TMEM132D: variants seen among roughly 807,000 people sequenced by gnomAD.
TMEM132D encodes the protein mature OL transmembrane protein.
A neutral mutation model predicts 62.3 loss-of-function variants in TMEM132D; 21 were observed. The observed-to-expected ratio is 0.34, with a 90% confidence interval of 0.24 to 0.49. The LOEUF is 0.49. Among genes scored for constraint, TMEM132D ranks in the 20% least tolerant of loss-of-function variants. The probability of loss-of-function intolerance (pLI) is 0.99; values close to 1 mark genes in which losing one functional copy is unlikely to be tolerated. For synonymous variants in TMEM132D, 621 were observed against 575.6 expected, an observed-to-expected ratio of 1.08 and a Z score of -1.13; for missense variants, 1,346 against 1,402.8, an observed-to-expected ratio of 0.96 and a Z score of 0.65.
At chr12:129,159,332 G>C (rs897789290) in intron 5 of TMEM132D, among the ~76,000 whole-genome samples, 1 of 152,090 alleles carries the variant, frequency 6.6e-6, no homozygotes, top group Non-Finnish European at 1.5e-5. Flanking sequence ...ACCTGAAACC[G>C]GGCAGTGGCT....
At chr12:129,255,423 C>T (rs965066067) in intron 4 of TMEM132D, among the ~76,000 whole-genome samples, 1 of 152,094 alleles carries the variant, frequency 6.6e-6, no homozygotes, top group African/African-American at 2.4e-5. Flanking sequence ...AAGCTGGTGC[C>T]CCAGGAGGAA....
intron 4 of TMEM132D, among the ~76,000 whole-genome samples, chr12:129,308,786 A>C (rs993902297): frequency 2.6e-5 from 4 of 152,242 alleles, no homozygotes; most frequent in African/African-American, 9.6e-5. Context: ...CTATTCTTAG[A>C]TATACACTTA....
rs77830181 is a variant in TMEM132D, at chr12:129,591,401, G to A, written c.969-60196C>T. 4.4e-3 allele frequency among the ~76,000 whole-genome samples: 670 copies of A among 152,300 alleles called. 4 individuals are homozygous for A. The highest frequency in any genetic ancestry group is 0.015 in the African/African-American group (640 of 41,562). On this transcript the variant is annotated intron_variant, in intron 2 of 8. Coordinates refer to ENST00000422113, the MANE Select transcript of TMEM132D (RefSeq NM_133448.3). ...CAGAGGAACTGTGCTTTGGAAGAAGGCTTCAAGAAGAATGAAAATCCATGC... is the reference window on the plus strand; with the variant it reads ...CAGAGGAACTGTGCTTTGGAAGAAGACTTCAAGAAGAATGAAAATCCATGC...
intron 5 of TMEM132D, among the ~76,000 whole-genome samples, chr12:129,123,972 G>T (rs1215144766): frequency 6.6e-6 from 1 of 152,160 alleles, no homozygotes; most frequent in Non-Finnish European, 1.5e-5. Context: ...AGCTGCAGAA[G>T]GAGGATCATG....
intron 1 of TMEM132D, among the ~76,000 whole-genome samples, chr12:129,713,882 T>C (rs957323355): frequency 6.6e-6 from 1 of 152,244 alleles, no homozygotes; most frequent in Non-Finnish European, 1.5e-5. Context: ...CCGATGTGGC[T>C]GGTCCAGGGA....
intron 1 of TMEM132D, among the ~76,000 whole-genome samples, chr12:129,758,432 A>C (rs1870242366): frequency 6.6e-6 from 1 of 152,144 alleles, no homozygotes; most frequent in African/African-American, 2.4e-5. Context: ...CTCCTTAATA[A>C]AATTAAAATT....
chr12:129,145,847 A>C (rs911912798), intron 5 of TMEM132D, among the ~76,000 whole-genome samples: 2 of 152,192 alleles, frequency 1.3e-5, no homozygotes, highest in Non-Finnish European at 2.9e-5. Flanking sequence ...GAGAGAGAAT[A>C]CAGTCATGGG....
intron 3 of TMEM132D, among the ~76,000 whole-genome samples, chr12:129,470,857 T>C (rs973184091): frequency 1.2e-4 from 18 of 152,086 alleles, no homozygotes; most frequent in African/African-American, 3.9e-4. Flanking sequence ...AATTTTGAGG[T>C]AACCAGGATG....
intron 1 of TMEM132D, among the ~76,000 whole-genome samples, chr12:129,808,310 G>A (rs769787105): frequency 2.6e-5 from 4 of 151,978 alleles, no homozygotes; most frequent in Non-Finnish European, 4.4e-5. Context: ...ATAAAATTGG[G>A]GACTCCACAT....
intron 4 of TMEM132D, among the ~76,000 whole-genome samples, chr12:129,252,844 T>A (rs7954380): frequency 0.012 from 1,762 of 152,100 alleles, 31 homozygotes; most frequent in African/African-American, 0.04. Context: ...ATATACGCCA[T>A]GGAATACTAT....
intron 4 of TMEM132D, among the ~76,000 whole-genome samples, chr12:129,264,882 A>G (rs918601434): frequency 1.3e-5 from 2 of 152,166 alleles, no homozygotes; most frequent in African/African-American, 4.8e-5. Flanking sequence ...ACAAAGACAT[A>G]AGAATGATAC....
At position 129,430,798 on chromosome 12, in the gene TMEM132D, G is replaced by C. The variant is rs188420607; in HGVS notation, c.1116-92981C>G. On this transcript the variant is annotated intron_variant, in intron 3 of 8. Transcript: ENST00000422113. ...TCCCCAGTTGCCAATAATTGCAGTC[G>C]ATGGGATGGAGGCTTACAGAAAGAA... is the stretch of plus-strand genomic sequence containing the variant. 2.0e-5 allele frequency among the ~76,000 whole-genome samples: 3 copies of C among 152,284 alleles called. No individual in the cohort carries two copies. The South Asian group carries it at 6.2e-4, about 32-fold the overall frequency.
At chr12:129,180,707 C>T (rs367891106) in intron 5 of TMEM132D, among the ~76,000 whole-genome samples, 1 of 152,162 alleles carries the variant, frequency 6.6e-6, no homozygotes, top group East Asian at 1.9e-4. Flanking sequence ...AGGCCGTTTC[C>T]AGATCTGCAG....
At chr12:129,222,064 T>C (rs147373517) in intron 4 of TMEM132D, among the ~76,000 whole-genome samples, 294 of 152,316 alleles carry the variant, frequency 1.9e-3, no homozygotes, top group African/African-American at 6.9e-3. Context: ...GTTTCGTGGC[T>C]GTGGTATGGT....
intron 4 of TMEM132D, among the ~76,000 whole-genome samples, chr12:129,323,955 T>G (rs1375692114): frequency 6.6e-6 from 1 of 152,004 alleles, no homozygotes; most frequent in African/African-American, 2.4e-5. Flanking sequence ...TGTAAATAAA[T>G]GGAAAAGCAG....
chr12:129,606,324 G>C (rs1198436100), intron 2 of TMEM132D, among the ~76,000 whole-genome samples: 1 of 152,130 alleles, frequency 6.6e-6, no homozygotes, highest in Non-Finnish European at 1.5e-5. Flanking sequence ...GTAGGGCTTG[G>C]GGAAATTGAC....
At chr12:129,432,326 GATGGATGGATGGATGGATGGATGA>G (rs1566066919) in intron 3 of TMEM132D, among the ~76,000 whole-genome samples, 3 of 91,656 alleles carry the variant, frequency 3.3e-5, no homozygotes, top group Non-Finnish European at 4.4e-5. Context: ...TGCTTGGATG[GATGGATGGATGGATGGATGGATGA>G]ATGGATGGAT....
intron 1 of TMEM132D, among the ~76,000 whole-genome samples, chr12:129,745,030 C>T (rs981072002): frequency 6.6e-6 from 1 of 152,092 alleles, no homozygotes; most frequent in Non-Finnish European, 1.5e-5. Context: ...TTTGACTGTT[C>T]CTCCTACACA....
chr12:129,197,117 A>C (rs1565994452), intron 5 of TMEM132D, among the ~76,000 whole-genome samples: 1 of 152,192 alleles, frequency 6.6e-6, no homozygotes, highest in Non-Finnish European at 1.5e-5. Flanking sequence ...TGGTCACATA[A>C]AAGCAGCTAC....
Sources: allele counts gnomAD v4.1 joint callset (sites outside exome capture counted in the v4.1 genomes callset), GRCh38; gene constraint gnomAD v4.1.1; transcripts MANE v1.5; gene names NCBI Gene and HGNC (gene_info 2026-07-23, HGNC 2026-07-21).